SCAF11: variants seen among roughly 807,000 people sequenced by gnomAD.
The protein encoded by SCAF11 is protein SCAF11.
Under a neutral mutation model 140.5 loss-of-function variants are expected in SCAF11, and 47 were observed. That is an observed-to-expected ratio of 0.33 (90% CI 0.26 to 0.43). SCAF11 has a LOEUF of 0.43. Among genes scored for constraint, SCAF11 ranks in the 20% least tolerant of loss-of-function variants. SCAF11 has a pLI of 1.00. For missense variants in SCAF11, 1,645 were observed against 1,705.1 expected (o/e 0.96, Z 0.62); for synonymous variants, 557 against 579.4 (o/e 0.96, Z 0.55).
rs1946469999 is a variant in SCAF11, at chr12:45,986,827, C to A, written c.-22+3526G>T. ...CGCTTTTGCATCTTCCTCATTTTCTCTTGCCACCAACCACTATGTAAGAAG... is the reference window on the plus strand; with the variant it reads ...CGCTTTTGCATCTTCCTCATTTTCTATTGCCACCAACCACTATGTAAGAAG... On this transcript the variant is annotated intron_variant, in intron 1 of 14. Coordinates refer to ENST00000369367, the MANE Select transcript of SCAF11 (RefSeq NM_004719.3). Among the ~76,000 whole-genome samples, 3 of 152,144 alleles carry A rather than the reference C, an allele frequency of 2.0e-5. No individual in the cohort carries two copies. The South Asian group carries it at 6.2e-4, about 31-fold the overall frequency.
intron 1 of SCAF11, among the ~76,000 whole-genome samples, chr12:45,981,664 G>C (rs1169815065): frequency 6.6e-6 from 1 of 152,054 alleles, no homozygotes; most frequent in Non-Finnish European, 1.5e-5. Context: ...GAGTGTGGTG[G>C]CATGCCTGTA....
intron 3 of SCAF11, among the ~76,000 whole-genome samples, chr12:45,958,326 A>G (rs1945747518): frequency 1.3e-5 from 2 of 152,180 alleles, no homozygotes; most frequent in Non-Finnish European, 2.9e-5. Context: ...TTACCTTCCT[A>G]AAGTATGCAA....
chr12:45,990,565 A>G lies in SCAF11; in HGVS notation c.-234T>C, dbSNP rs369201119. The stretch of plus-strand genomic sequence containing the variant: ...TGCGCTGCTCCGCGCGGCTTAAGCC[A>G]CCGCTACTCCCCCTTCCCCCGCCTT... On this transcript the variant is annotated 5_prime_UTR_variant, in exon 1 of 15. Coordinates refer to ENST00000369367, the MANE Select transcript of SCAF11 (RefSeq NM_004719.3). 1.6e-3 allele frequency: 1,933 copies of G among 1,231,066 alleles called. 79 individuals carry two copies. The South Asian group carries it at 0.069, about 44-fold the overall frequency. 76.3% of individuals were successfully genotyped at this position (1,231,066 alleles called of 1,614,324 possible). A position where few individuals can be genotyped will look rare whatever the true frequency, so the allele number is the denominator to read the frequency against.
rs944775890 is a variant in SCAF11, at chr12:45,961,754, A to G, written c.165T>C (p.Phe55=). ...LNCLLEKEVG[F]PESCNHVFCM... Reference sequence around the variant, plus strand: ...AGAAGACATGATTACAGCTTTCTGGAAAACCAACTTCCTTTTCTAATAGAC... The same window carrying G: ...AGAAGACATGATTACAGCTTTCTGGGAAACCAACTTCCTTTTCTAATAGAC... Residue 55 remains phenylalanine, a synonymous_variant, in exon 3 of 15, where the codon TTT becomes TTC. Coordinates refer to ENST00000369367, the MANE Select transcript of SCAF11 (RefSeq NM_004719.3). 1.9e-6 allele frequency: 3 copies of G among 1,613,306 alleles called. No individual in the cohort carries two copies. The highest frequency in any genetic ancestry group is 2.5e-6 in the Non-Finnish European group (3 of 1,179,486).
At chr12:45,958,662 A>C (rs1196447728) in intron 3 of SCAF11, among the ~76,000 whole-genome samples, 1 of 152,190 alleles carries the variant, frequency 6.6e-6, no homozygotes, top group Non-Finnish European at 1.5e-5. Context: ...AGTGGACATG[A>C]TTAATTTCAA....
chr12:45,950,448 A>G (rs914995750), intron 4 of SCAF11, among the ~76,000 whole-genome samples: 4 of 152,216 alleles, frequency 2.6e-5, no homozygotes, highest in African/African-American at 9.6e-5. Context: ...TCTATCAAAT[A>G]AATTTTATTC....
intron 6 of SCAF11, among the ~76,000 whole-genome samples, chr12:45,943,942 T>C (rs1430512442): frequency 6.6e-6 from 1 of 152,170 alleles, no homozygotes; most frequent in Non-Finnish European, 1.5e-5. Context: ...TCAGAATTAA[T>C]CATAGATGCT....
In SCAF11 at chr12:45,926,408, T is replaced by C. The variant is rs987834225; in HGVS notation, c.3293A>G (p.Gln1098Arg). The C allele has an allele frequency of 6.2e-6, 10 of 1,614,238 alleles. No homozygotes were observed. Among genetic ancestry groups the C allele is most frequent in the Non-Finnish European group, 7.6e-6 (9 of 1,180,032 alleles). The change falls in exon 11 of 15, where the codon CAA (glutamine) becomes CGA (arginine). Residue 1098 changes from glutamine to arginine, a missense_variant. Gln to Arg is a conservative substitution (Grantham distance 43, BLOSUM62 1). This residue lies in a region of SCAF11 where 1,582 missense variants were observed against 1,609.2 expected (regional missense o/e 0.98). Transcript: ENST00000369367. Reference protein sequence around the residue: ...AYKDQNENRWQNRKPLSGNSN... With the variant: ...AYKDQNENRWRNRKPLSGNSN... ...ATTCCCTGAGAGGGGTTTTCGATTT[T>C]GCCACCGATTTTCATTCTGATCTTT... is the stretch of plus-strand genomic sequence containing the variant.
At position 45,961,860 on chromosome 12, in the gene SCAF11, G is replaced by A. The variant is rs1001191589; in HGVS notation, c.62-3C>T. 1.3e-6 allele frequency: 2 copies of A among 1,595,372 alleles called. No individual in the cohort carries two copies. Among genetic ancestry groups the A allele is most frequent in the Non-Finnish European group, 1.7e-6 (2 of 1,172,294 alleles). On this transcript the variant is annotated splice_region_variant and splice_polypyrimidine_tract_variant and intron_variant, in intron 2 of 14. Coordinates refer to ENST00000369367, the MANE Select transcript of SCAF11 (RefSeq NM_004719.3). ...AGTATTATCTCCGTTTTCTTCACCTGTTAAAGTAAAACAGCCATATGTGCT... is the reference window on the plus strand; with the variant it reads ...AGTATTATCTCCGTTTTCTTCACCTATTAAAGTAAAACAGCCATATGTGCT...
chr12:45,954,374 C>G (rs142847427), intron 3 of SCAF11, among the ~76,000 whole-genome samples: 1 of 151,790 alleles, frequency 6.6e-6, no homozygotes, highest in Non-Finnish European at 1.5e-5. Flanking sequence ...GTAGCTGGGA[C>G]TACAGGTGCA....
chr12:45,928,232 C>G lies in SCAF11; in HGVS notation c.1469G>C (p.Gly490Ala). Residue 490 changes from glycine (G) to alanine (A), a missense_variant, in exon 11 of 15, where the codon GGG becomes GCG. Physicochemically the swap from Gly to Ala is moderately conservative, Grantham distance 60. This residue lies in a region of SCAF11 where 1,582 missense variants were observed against 1,609.2 expected (regional missense o/e 0.98). Transcript: ENST00000369367. The part of the protein sequence containing the change: ...QDLPVLVGEE[G>A]EVKKLENTGI... The stretch of plus-strand genomic sequence containing the variant: ...TGTATTCTCGAGTTTTTTAACTTCC[C>G]CTTCCTCACCAACTAGCACAGGAAG... The G allele has an allele frequency of 6.2e-7, 1 of 1,613,988 alleles. No homozygotes were observed. The highest frequency in any genetic ancestry group is 8.5e-7 in the Non-Finnish European group (1 of 1,179,998).
In SCAF11 at chr12:45,928,852, A is replaced by C. The variant is rs776924112; in HGVS notation, c.849T>G (p.Ser283=). ...STISFEHFGT[S]CKGYALAHTQ... The stretch of plus-strand genomic sequence containing the variant: ...TATGTGCTAATGCATATCCCTTGCA[A>C]GAAGTACCTAATAATATTTAAAAAA... The change falls in exon 11 of 15, where the codon TCT becomes TCG. Residue 283 remains serine (S), a synonymous_variant. Transcript: ENST00000369367. 2.0e-6 allele frequency: 3 copies of C among 1,528,332 alleles called. No homozygotes were observed. Among genetic ancestry groups the C allele is most frequent in the Non-Finnish European group, 2.6e-6 (3 of 1,140,450 alleles). 94.7% of individuals were successfully genotyped at this position (1,528,332 alleles called of 1,614,324 possible).
At chr12:45,948,061 C>T (rs186690864) in intron 5 of SCAF11, among the ~76,000 whole-genome samples, 3 of 151,990 alleles carry the variant, frequency 2.0e-5, no homozygotes, top group Non-Finnish European at 4.4e-5. Flanking sequence ...CTGAAAAGAA[C>T]GAATTCTTTT....
At chr12:45,962,487 T>C (rs1320948368) in intron 2 of SCAF11, among the ~76,000 whole-genome samples, 4 of 152,192 alleles carry the variant, frequency 2.6e-5, no homozygotes, top group African/African-American at 7.2e-5. Context: ...ATTAACAAAT[T>C]ATTCTCCTTA....
upstream of SCAF11, chr12:45,990,652 G>C (rs940360662): frequency 2.1e-5 from 24 of 1,143,362 alleles, no homozygotes; most frequent in African/African-American, 1.6e-5. Flanking sequence ...TTCCCTCGCT[G>C]TCGGCGCGCT....
chr12:45,964,396 G>A (rs1180168812), intron 1 of SCAF11, among the ~76,000 whole-genome samples: 2 of 152,122 alleles, frequency 1.3e-5, no homozygotes, highest in Non-Finnish European at 2.9e-5. Flanking sequence ...GGCCGTGCAC[G>A]GTGGCTCACG....
chr12:45,921,923 G>C lies in SCAF11; in HGVS notation c.*125C>G. 8.7e-7 allele frequency: 1 copy of C among 1,143,738 alleles called. No individual in the cohort carries two copies. The highest frequency in any genetic ancestry group is 1.5e-5 in the South Asian group (1 of 64,682). 70.8% of individuals were successfully genotyped at this position (1,143,738 alleles called of 1,614,324 possible). A position where few individuals can be genotyped will look rare whatever the true frequency, so the allele number is the denominator to read the frequency against. On this transcript the variant is annotated 3_prime_UTR_variant, in exon 15 of 15. Coordinates refer to ENST00000369367, the MANE Select transcript of SCAF11 (RefSeq NM_004719.3). ...TTTAGAACAAAACATCATATCCTAT[G>C]TTAAAAAAATAATTTTATCAAAACC... is the stretch of plus-strand genomic sequence containing the variant.
chr12:45,963,989 G>C, intron 2 of SCAF11, 118 bp downstream of exon 2: 2 of 613,230 alleles, frequency 3.3e-6, no homozygotes, highest in Non-Finnish European at 5.7e-6. Flanking sequence ...GCTTATTTTG[G>C]AATTTAAGAA....
At chr12:45,984,074 T>C (rs983192015) in intron 1 of SCAF11, among the ~76,000 whole-genome samples, 11 of 152,190 alleles carry the variant, frequency 7.2e-5, no homozygotes, top group South Asian at 4.1e-4. Context: ...GCTGGAGGCA[T>C]TGGAGCCCAA....
Sources: gnomAD v4.1 joint callset for allele counts (sites outside exome capture counted in the v4.1 genomes callset) on GRCh38, gnomAD v4.1.1 for gene constraint, gnomAD v4.1.1 regional missense constraint, MANE v1.5 for transcripts, NCBI Gene and HGNC (gene_info 2026-07-23, HGNC 2026-07-21) for gene names.